CYC1: variants seen among roughly 807,000 people sequenced by gnomAD.
CYC1 encodes cytochrome c1, heme protein, mitochondrial.
Under a neutral mutation model 33.8 loss-of-function variants are expected in CYC1, and 10 were observed. That is an observed-to-expected ratio of 0.30 (90% CI 0.18 to 0.50). CYC1 has a LOEUF of 0.50. Ranked by LOEUF, CYC1 falls within the 20% of genes least tolerant of loss-of-function variation. The probability of loss-of-function intolerance (pLI) is 0.98; values close to 1 mark genes in which losing one functional copy is unlikely to be tolerated. For missense variants in CYC1, 459 were observed against 437.6 expected (o/e 1.05, Z -0.44); for synonymous variants, 224 against 181.9 (o/e 1.23, Z -1.86).
chr8:144,095,413 G>A (rs1836129499), intron 1 of CYC1, 185 bp downstream of exon 1: 1 of 464,350 alleles, frequency 2.2e-6, no homozygotes, highest in Non-Finnish European at 3.4e-6. Flanking sequence ...CTCTCCGAAC[G>A]GCAGAGAGCC....
rs1472686827 is a variant in CYC1, at chr8:144,096,973, G to A, written c.773-61G>A. ...GGGCAGTGTCTGCTTCACAGAGGGG[G>A]GGCATGATCCCAGGTTGGACATGAG... On this transcript the variant is annotated intron_variant, in intron 5 of 6. Transcript: ENST00000318911. The A allele has an allele frequency of 2.8e-6, 4 of 1,418,430 alleles. No individual in the cohort carries two copies. The East Asian group carries it at 9.8e-5, about 35-fold the overall frequency. The allele number at this position is 1,418,430 out of a possible 1,614,324, so 87.9% of individuals were successfully genotyped here.
At position 144,095,106 on chromosome 8, in the gene CYC1, G is replaced by A. The variant is rs1836121461; in HGVS notation, c.7G>A (p.Ala3Thr). 6.6e-6 allele frequency: 8 copies of A among 1,209,996 alleles called. No individual in the cohort carries two copies. The highest frequency in any genetic ancestry group is 8.2e-6 in the Non-Finnish European group (8 of 972,334). The allele number at this position is 1,209,996 out of a possible 1,614,324, so 75.0% of individuals were successfully genotyped here. A position where few individuals can be genotyped will look rare whatever the true frequency, so the allele number is the denominator to read the frequency against. ...CCGCGCGGAGGAGGCCAAGATGGCG[G>A]CAGCTGCGGCTTCGCTTCGCGGGGT... Reference protein sequence around the residue: MAAAAASLRGVVL... With the variant: MATAAASLRGVVL... The change falls in exon 1 of 7, where the codon GCA (alanine) becomes ACA (threonine). Residue 3 changes from alanine to threonine, a missense_variant. Physicochemically the swap from Ala to Thr is moderately conservative, Grantham distance 58. Transcript: ENST00000318911.
rs1283974066 is a variant in CYC1, at chr8:144,095,138, G to A, written c.39G>A (p.Leu13=). 8 of 1,210,630 alleles carry A rather than the reference G, an allele frequency of 6.6e-6. No individual in the cohort carries two copies. Among genetic ancestry groups the A allele is most frequent in the Non-Finnish European group, 7.2e-6 (7 of 973,298 alleles). 75.0% of individuals were successfully genotyped at this position (1,210,630 alleles called of 1,614,324 possible). A position where few individuals can be genotyped will look rare whatever the true frequency, so the allele number is the denominator to read the frequency against. The change falls in exon 1 of 7, where the codon TTG becomes TTA. Residue 13 remains leucine, a synonymous_variant. Transcript: ENST00000318911. ...CGGCTTCGCTTCGCGGGGTAGTGTT[G>A]GGCCCGCGGGGCGCGGGGCTCCCGG... ...AAAASLRGVV[L]GPRGAGLPGA...
chr8:144,096,160 C>T lies in CYC1; in HGVS notation c.363C>T (p.Cys121=), dbSNP rs375444687. 2 of 1,613,646 alleles carry T rather than the reference C, an allele frequency of 1.2e-6. No homozygotes were observed. Among genetic ancestry groups the T allele is most frequent in the East Asian group, 2.2e-5 (1 of 44,898 alleles). The change falls in exon 3 of 7, where the codon TGC becomes TGT. Residue 121 remains cysteine, a synonymous_variant. Coordinates refer to ENST00000318911, the MANE Select transcript of CYC1 (RefSeq NM_001916.5). ...RRGFQVYKQV[C]ASCHSMDFVA... is the part of the protein sequence containing the mutation. ...GTTTCCAGGTATATAAGCAGGTGTGCGCCTCCTGCCACAGCATGGACTTCG... is the reference window on the plus strand; with the variant it reads ...GTTTCCAGGTATATAAGCAGGTGTGTGCCTCCTGCCACAGCATGGACTTCG...
chr8:144,096,546 T>C (rs1419998742), intron 4 of CYC1, 38 bp from the exon 5 acceptor site: 1 of 1,613,952 alleles, frequency 6.2e-7, no homozygotes, highest in Non-Finnish European at 8.5e-7. Context: ...AAGGGCTGAC[T>C]TGTGCTTGGA....
At position 144,095,130 on chromosome 8, in the gene CYC1, G is replaced by C; in HGVS notation, c.31G>C (p.Val11Leu). The C allele has an allele frequency of 8.3e-7, 1 of 1,211,270 alleles. No homozygotes were observed. Among genetic ancestry groups the C allele is most frequent in the Non-Finnish European group, 1.0e-6 (1 of 973,346 alleles). 75.0% of individuals were successfully genotyped at this position (1,211,270 alleles called of 1,614,324 possible). Residue 11 changes from valine to leucine, a missense_variant, in exon 1 of 7, where the codon GTA becomes CTA. Transcript: ENST00000318911. Reference sequence around the variant, plus strand: ...GGCAGCTGCGGCTTCGCTTCGCGGGGTAGTGTTGGGCCCGCGGGGCGCGGG... The same window carrying C: ...GGCAGCTGCGGCTTCGCTTCGCGGGCTAGTGTTGGGCCCGCGGGGCGCGGG... MAAAAASLRG[V>L]VLGPRGAGLP... is the part of the protein sequence containing the mutation.
At chr8:144,096,999 C>T (rs770444187) in intron 5 of CYC1, 35 bp from the exon 6 acceptor site, 1 of 1,547,948 alleles carries the variant, frequency 6.5e-7, no homozygotes, top group South Asian at 1.2e-5. Flanking sequence ...TGGACATGAG[C>T]CTGAGAATAG....
In CYC1 at chr8:144,095,213, G is replaced by T; in HGVS notation, c.114G>T (p.Pro38=). 8.3e-7 allele frequency: 1 copy of T among 1,201,384 alleles called. No homozygotes were observed. 74.4% of individuals were successfully genotyped at this position (1,201,384 alleles called of 1,614,324 possible). ...GCAGCGCGCGTCCCGGGCAGCTCCC[G>T]CTACGGACACCTCAGGTGAGCGCTG... ...LLCSARPGQL[P]LRTPQAVALS... is the part of the protein sequence containing the mutation. Residue 38 remains proline (P), a synonymous_variant, in exon 1 of 7, where the codon CCG becomes CCT. Transcript: ENST00000318911.
rs1166601240 is a variant in CYC1 at position 144,096,420 on chromosome 8, C to T, written c.537C>T (p.Tyr179=). Residue 179 remains tyrosine, a synonymous_variant, in exon 4 of 7, where the codon TAC becomes TAT. Transcript: ENST00000318911. ...TGTTCGACTATTTCCCAAAACCATA[C>T]CCCAACAGTGAGGCTGCTCGAGCTG... The part of the protein sequence containing the change: ...GKLFDYFPKP[Y]PNSEAARAAN... 1.9e-6 allele frequency: 3 copies of T among 1,614,074 alleles called. No homozygotes were observed. The East Asian group carries it at 6.7e-5, about 36-fold the overall frequency.
chr8:144,095,766 G>T, intron 1 of CYC1, 67 bp from the exon 2 acceptor site: 1 of 1,543,204 alleles, frequency 6.5e-7, no homozygotes, highest in Non-Finnish European at 8.8e-7. Flanking sequence ...AGAGGTGGGC[G>T]CTGAGAGTCA....
chr8:144,096,472 C>G lies in CYC1; in HGVS notation c.589C>G (p.Leu197Val), dbSNP rs1836156671. ...CAACAACGGAGCATTGCCCCCTGAC[C>G]TCAGCTACATCGTGCGAGCTAGGTA... ...AANNGALPPD[L>V]SYIVRARHGG... Residue 197 changes from leucine (L) to valine (V), a missense_variant, in exon 4 of 7, where the codon CTC becomes GTC. Leu to Val is a conservative substitution (Grantham distance 32). Transcript: ENST00000318911. 6.2e-7 allele frequency: 1 copy of G among 1,614,146 alleles called. No individual in the cohort carries two copies. Among genetic ancestry groups the G allele is most frequent in the South Asian group, 1.1e-5 (1 of 91,076 alleles).
Position 144,095,816 on chromosome 8 carries a change from G to T in CYC1, c.130-17G>T, listed in dbSNP as rs376311407. On this transcript the variant is annotated splice_polypyrimidine_tract_variant and intron_variant, in intron 1 of 6. Transcript: ENST00000318911. ...GCTGGGTGGTGTCCTGGCAGGCGCT[G>T]AGCGGAGATCTTGCAGGCAGTGGCC... is the stretch of plus-strand genomic sequence containing the variant. 43 of 1,602,176 alleles carry T rather than the reference G, an allele frequency of 2.7e-5. No individual in the cohort carries two copies. In the African/African-American group the frequency reaches 4.9e-4, roughly 18 times the overall value.
chr8:144,095,605 T>C, intron 1 of CYC1: 1 of 581,794 alleles, frequency 1.7e-6, no homozygotes, highest in Non-Finnish European at 3.0e-6. Flanking sequence ...GCACCCTTGG[T>C]CACTTCGGTC....
rs35973351 is a variant in CYC1, at chr8:144,096,241, G to C, written c.444G>C (p.Leu148=). 0.012 allele frequency: 18,791 copies of C among 1,614,024 alleles called. 152 individuals carry two copies. Among genetic ancestry groups the C allele is most frequent in the Non-Finnish European group, 0.014 (16,281 of 1,179,932 alleles). Residue 148 remains leucine (L), a synonymous_variant, in exon 3 of 7, where the codon CTG becomes CTC. Transcript: ENST00000318911. ...ACACGGAGGATGAAGCTAAGGAGCT[G>C]GCTGCGGAGGTGTGGGGTCTGGGGA... is the stretch of plus-strand genomic sequence containing the variant. ...VCYTEDEAKE[L]AAEVEVQDGP... is the part of the protein sequence containing the mutation.
chr8:144,095,829 G>A lies in CYC1; in HGVS notation c.130-4G>A. 1 of 1,604,960 alleles carries A rather than the reference G, an allele frequency of 6.2e-7. No individual in the cohort carries two copies. The highest frequency in any genetic ancestry group is 8.5e-7 in the Non-Finnish European group (1 of 1,179,186). ...CTGGCAGGCGCTGAGCGGAGATCTT[G>A]CAGGCAGTGGCCTTGTCGTCGAAGT... On this transcript the variant is annotated splice_region_variant and splice_polypyrimidine_tract_variant and intron_variant, in intron 1 of 6. Coordinates refer to ENST00000318911, the MANE Select transcript of CYC1 (RefSeq NM_001916.5).
In CYC1 at chr8:144,095,885, T is replaced by C. The variant is rs1189103082; in HGVS notation, c.182T>C (p.Leu61Pro). The change falls in exon 2 of 7, where the codon CTG becomes CCG. Residue 61 changes from leucine (L) to proline (P), a missense_variant. Leu to Pro is a moderately conservative substitution (Grantham distance 98). Coordinates refer to ENST00000318911, the MANE Select transcript of CYC1 (RefSeq NM_001916.5). ...CTTTCCCGAGGCCGGAAAGTGATGC[T>C]GTCAGCGCTGGGCATGCTGGCGGCA... ...SGLSRGRKVM[L>P]SALGMLAAGG... 6.2e-7 allele frequency: 1 copy of C among 1,609,294 alleles called. No homozygotes were observed. The highest frequency in any genetic ancestry group is 8.5e-7 in the Non-Finnish European group (1 of 1,179,810).
intron 1 of CYC1, 49 bp downstream of exon 1, chr8:144,095,277 G>T: frequency 8.4e-7 from 1 of 1,190,396 alleles, no homozygotes; most frequent in Non-Finnish European, 1.0e-6. Context: ...GCATCTCCGT[G>T]AAGGTCACGG....
At chr8:144,097,165 CAG>C in intron 6 of CYC1, 31 bp downstream of exon 6, 1 of 1,610,790 alleles carries the variant, frequency 6.2e-7, no homozygotes, top group Non-Finnish European at 8.5e-7. Flanking sequence ...TGGTGGGTAT[CAG>C]AGAAGGGCTG....
chr8:144,097,051 T>C lies in CYC1; in HGVS notation c.790T>C (p.Ser264Pro). Reference sequence around the variant, plus strand: ...TTGGCCAGGCACCCCAGCTACCATGTCCCAGATAGCCAAGGATGTGTGCAC... The same window carrying C: ...TTGGCCAGGCACCCCAGCTACCATGCCCCAGATAGCCAAGGATGTGTGCAC... ...EFDDGTPATM[S>P]QIAKDVCTFL... Residue 264 changes from serine to proline, a missense_variant, in exon 6 of 7, where the codon TCC becomes CCC. Coordinates refer to ENST00000318911, the MANE Select transcript of CYC1 (RefSeq NM_001916.5). The C allele has an allele frequency of 6.2e-7, 1 of 1,608,936 alleles. No individual in the cohort carries two copies. Among genetic ancestry groups the C allele is most frequent in the Non-Finnish European group, 8.5e-7 (1 of 1,177,270 alleles).
Sources: gnomAD v4.1 joint callset for allele counts on GRCh38, gnomAD v4.1.1 for gene constraint, MANE v1.5 for transcripts, NCBI Gene and HGNC (gene_info 2026-07-23, HGNC 2026-07-21) for gene names.